The following ZNF84 variants were observed in gnomAD, a reference collection of about 807,000 sequenced individuals.
The protein encoded by ZNF84 is zinc finger protein 84.
A neutral mutation model predicts 14.8 loss-of-function variants in ZNF84; 12 were observed. The observed-to-expected ratio is 0.81, with a 90% CI of 0.52 to 1.31. ZNF84 has a LOEUF of 1.31. Ranked by LOEUF, ZNF84 falls within the 50% of genes most tolerant of loss-of-function variation. The pLI is 0.00. For missense variants in ZNF84, 859 were observed against 878.6 expected (o/e 0.98, Z 0.28); for synonymous variants, 347 against 291.1 (o/e 1.19, Z -1.96).
At chr12:133,046,424 T>C (rs1200479028) in intron 2 of ZNF84, among the ~76,000 whole-genome samples, 1 of 148,278 alleles carries the variant, frequency 6.7e-6, no homozygotes, top group East Asian at 2.1e-4. Context: ...TTGCATCCTC[T>C]TTTTTTTGTG....
rs953203821 is a variant in ZNF84, at chr12:133,048,878, G to A, written c.238+30G>A. 87 of 1,568,532 alleles carry A rather than the reference G, an allele frequency of 5.5e-5. No homozygotes were observed. In the South Asian group the frequency reaches 8.4e-4, roughly 15 times the overall value. On this transcript the variant is annotated intron_variant, in intron 4 of 4. Coordinates refer to ENST00000539354, the MANE Select transcript of ZNF84 (RefSeq NM_001289971.2). ...GTGTATGAGAACCAGGCAGATGGGAGAGAGCAGAAGCCCCATGTCATCTGG... is the reference window on the plus strand; with the variant it reads ...GTGTATGAGAACCAGGCAGATGGGAAAGAGCAGAAGCCCCATGTCATCTGG...
At chr12:133,050,534 A>G in intron 4 of ZNF84, 1 of 398,662 alleles carries the variant, frequency 2.5e-6, no homozygotes, top group Non-Finnish European at 4.4e-6. Flanking sequence ...GGACCTCCAT[A>G]GTATGACACT....
At chr12:133,044,291 C>T (rs1953940322) in intron 2 of ZNF84, among the ~76,000 whole-genome samples, 1 of 150,852 alleles carries the variant, frequency 6.6e-6, no homozygotes, top group South Asian at 2.1e-4. Context: ...ACTACAGGCA[C>T]CTACTACTAA....
rs1289889513 is a variant in ZNF84 at position 133,058,155 on chromosome 12, T to G, written c.1440T>G (p.Thr480=). The G allele has an allele frequency of 1.9e-6, 3 of 1,613,936 alleles. No individual in the cohort carries two copies. The highest frequency in any genetic ancestry group is 2.5e-6 in the Non-Finnish European group (3 of 1,180,000). The change falls in exon 5 of 5, where the codon ACT becomes ACG. Residue 480 remains threonine (T), a synonymous_variant. Coordinates refer to ENST00000539354, the MANE Select transcript of ZNF84 (RefSeq NM_001289971.2). ...CACAGCTCGTTAGACATCAGAGAAC[T>G]CATACGGGAGAAAAACCGTATGAAT... ...RKSQLVRHQR[T]HTGEKPYECS...
At chr12:133,049,597 A>C (rs960401071) in intron 4 of ZNF84, among the ~76,000 whole-genome samples, 3 of 151,974 alleles carry the variant, frequency 2.0e-5, no homozygotes, top group African/African-American at 7.3e-5. Context: ...CTCCTGCCTC[A>C]GCTTTCTGAG....
intron 4 of ZNF84, among the ~76,000 whole-genome samples, chr12:133,054,409 A>G (rs1593710049): frequency 6.6e-6 from 1 of 152,184 alleles, no homozygotes; most frequent in Non-Finnish European, 1.5e-5. Context: ...AAGTTAACTT[A>G]TAATAGTATA....
At chr12:133,045,551 A>G (rs1953966450) in intron 2 of ZNF84, among the ~76,000 whole-genome samples, 1 of 151,910 alleles carries the variant, frequency 6.6e-6, no homozygotes, top group South Asian at 2.1e-4. Flanking sequence ...AAGTGGGAGG[A>G]TCACCTGAGC....
rs1954237286 is a variant in ZNF84 at position 133,060,302 on chromosome 12, G to C, written c.*1370G>C. 1 of 152,068 alleles carries C rather than the reference G, an allele frequency of 6.6e-6. No individual in the cohort carries two copies. Among genetic ancestry groups the C allele is most frequent in the African/African-American group, 2.4e-5 (1 of 41,412 alleles). The allele number at this position is 152,068 out of a possible 1,614,324, so 9.4% of individuals were successfully genotyped here. ...ACATTTCTGAAGATGTAAAGTATTA[G>C]GGAATTTTGTGCTGGAAAAACATTT... On this transcript the variant is annotated 3_prime_UTR_variant, in exon 5 of 5. Coordinates refer to ENST00000539354, the MANE Select transcript of ZNF84 (RefSeq NM_001289971.2).
Position 133,062,820 on chromosome 12 carries a change from T to C in ZNF84, c.*3888T>C. On this transcript the variant is annotated 3_prime_UTR_variant, in exon 5 of 5. Coordinates refer to ENST00000539354, the MANE Select transcript of ZNF84 (RefSeq NM_001289971.2). Reference sequence around the variant, plus strand: ...GAAAACTTTTTCCTCCTATGCAATATTTTCTGGCCTCTGTGAACAACTTGT... The same window carrying C: ...GAAAACTTTTTCCTCCTATGCAATACTTTCTGGCCTCTGTGAACAACTTGT... The C allele has an allele frequency of 2.3e-6, 1 of 431,312 alleles. No individual in the cohort carries two copies. Among genetic ancestry groups the C allele is most frequent in the Non-Finnish European group, 4.1e-6 (1 of 241,270 alleles). The allele number at this position is 431,312 out of a possible 1,614,324, so 26.7% of individuals were successfully genotyped here.
chr12:133,048,204 A>C (rs1464934775), intron 3 of ZNF84, 123 bp downstream of exon 3: 45 of 893,776 alleles, frequency 5.0e-5, no homozygotes, highest in Non-Finnish European at 6.9e-5. Flanking sequence ...TTTAGACCTG[A>C]AACTTAGATC....
chr12:133,044,773 G>A lies in ZNF84; in HGVS notation c.16-3182G>A, dbSNP rs984285162. Reference sequence around the variant, plus strand: ...TATAATAATACAAAAAATTAGCCGGGCGTGGTGGCAGGCGCCTGTTATCCT... The same window carrying A: ...TATAATAATACAAAAAATTAGCCGGACGTGGTGGCAGGCGCCTGTTATCCT... On this transcript the variant is annotated intron_variant, in intron 2 of 4. Coordinates refer to ENST00000539354, the MANE Select transcript of ZNF84 (RefSeq NM_001289971.2). Among the ~76,000 whole-genome samples, 5 of 151,950 alleles carry A rather than the reference G, an allele frequency of 3.3e-5. No individual in the cohort carries two copies. In the East Asian group the frequency reaches 7.8e-4, roughly 24 times the overall value.
chr12:133,046,663 T>C (rs1953984295), intron 2 of ZNF84, among the ~76,000 whole-genome samples: 5 of 150,600 alleles, frequency 3.3e-5, no homozygotes. Flanking sequence ...GGTATTTTAG[T>C]GTATTGGTTT....
chr12:133,041,418 A>C lies in ZNF84; in HGVS notation c.-50A>C. 1 of 1,607,702 alleles carries C rather than the reference A, an allele frequency of 6.2e-7. No homozygotes were observed. The highest frequency in any genetic ancestry group is 8.5e-7 in the Non-Finnish European group (1 of 1,174,314). On this transcript the variant is annotated 5_prime_UTR_variant, in exon 2 of 5. Coordinates refer to ENST00000539354, the MANE Select transcript of ZNF84 (RefSeq NM_001289971.2). ...TTTGGGGCAGAAGCAGAAGAGACGC[A>C]CAGTAGAACCGATCTCAGCCTTGCT...
At chr12:133,044,093 T>G (rs1953936271) in intron 2 of ZNF84, among the ~76,000 whole-genome samples, 1 of 152,054 alleles carries the variant, frequency 6.6e-6, no homozygotes, top group Non-Finnish European at 1.5e-5. Flanking sequence ...ATGATTTTTC[T>G]TTAGATTTGA....
In ZNF84 at chr12:133,057,699, T is replaced by C. The variant is rs1232681255; in HGVS notation, c.984T>C (p.Phe328=). ...GATGCAATGAATGTGGGAGGGCCTT[T>C]AGTGAAAAGTCCAATCTCATTAACC... The part of the protein sequence containing the change: ...PYGCNECGRA[F]SEKSNLINHQ... Residue 328 remains phenylalanine (F), a synonymous_variant, in exon 5 of 5, where the codon TTT becomes TTC. Transcript: ENST00000539354. 3.7e-6 allele frequency: 6 copies of C among 1,612,502 alleles called. No individual in the cohort carries two copies. The African/African-American group carries it at 4.0e-5, about 11-fold the overall frequency.
chr12:133,055,824 C>T (rs1330434245), intron 4 of ZNF84, among the ~76,000 whole-genome samples: 8 of 152,022 alleles, frequency 5.3e-5, no homozygotes, highest in Non-Finnish European at 2.9e-5. Context: ...ATTGGCCCGG[C>T]GCAGTGGCTC....
Position 133,041,443 on chromosome 12 carries a change from T to C in ZNF84, c.-25T>C. On this transcript the variant is annotated 5_prime_UTR_variant, in exon 2 of 5. Transcript: ENST00000539354. Reference sequence around the variant, plus strand: ...ACAGTAGAACCGATCTCAGCCTTGCTGATCATCTCGTACAGCAGCAGAAAA... The same window carrying C: ...ACAGTAGAACCGATCTCAGCCTTGCCGATCATCTCGTACAGCAGCAGAAAA... The C allele has an allele frequency of 1.9e-6, 3 of 1,614,072 alleles. No individual in the cohort carries two copies. Among genetic ancestry groups the C allele is most frequent in the Non-Finnish European group, 2.5e-6 (3 of 1,179,886 alleles).
intron 2 of ZNF84, among the ~76,000 whole-genome samples, chr12:133,045,937 T>A (rs1201667903): frequency 1.5e-5 from 2 of 135,596 alleles, no homozygotes; most frequent in East Asian, 4.4e-4. Context: ...TGAGCTCTGT[T>A]CATTTTTAAG....
chr12:133,041,283 A>T lies in ZNF84; in HGVS notation c.-185A>T. ...GAAGTACATTTCTCCCGAAGTCCACAGATCCTGGTCCCTACAAATAAGCCT... is the reference window on the plus strand; with the variant it reads ...GAAGTACATTTCTCCCGAAGTCCACTGATCCTGGTCCCTACAAATAAGCCT... On this transcript the variant is annotated 5_prime_UTR_variant, in exon 2 of 5. Transcript: ENST00000539354. 7 of 593,870 alleles carry T rather than the reference A, an allele frequency of 1.2e-5. No individual in the cohort carries two copies. The highest frequency in any genetic ancestry group is 2.1e-5 in the Non-Finnish European group (7 of 332,894). The allele number at this position is 593,870 out of a possible 1,614,324, so 36.8% of individuals were successfully genotyped here.
Sources: allele counts gnomAD v4.1 joint callset (sites outside exome capture counted in the v4.1 genomes callset), GRCh38; gene constraint gnomAD v4.1.1; transcripts MANE v1.5; gene names NCBI Gene and HGNC (gene_info 2026-07-23, HGNC 2026-07-21).